FAM227B: variants seen among roughly 807,000 people sequenced by gnomAD.
The protein encoded by FAM227B is protein FAM227B.
In FAM227B, 88 loss-of-function variants were observed where a neutral mutation model predicts 73.8. The ratio of observed to expected loss-of-function variants is 1.19; its 90% confidence interval spans 1.00 to 1.42. The LOEUF is 1.42. FAM227B is among the 40% of genes most tolerant of loss of function. The pLI is 0.00. For missense variants in FAM227B, 632 were observed against 590.9 expected, an observed-to-expected ratio of 1.07 and a Z score of -0.72; for synonymous variants, 210 against 190.5, an observed-to-expected ratio of 1.10 and a Z score of -0.84.
intron 11 of FAM227B, among the ~76,000 whole-genome samples, chr15:49,456,641 C>CA (rs1178394341): frequency 6.6e-6 from 1 of 151,946 alleles, no homozygotes; most frequent in African/African-American, 2.4e-5. Flanking sequence ...ATAGTAACTA[C>CA]AAAATAAGGC....
intron 13 of FAM227B, among the ~76,000 whole-genome samples, chr15:49,359,340 C>T (rs1344285680): frequency 8.3e-6 from 1 of 120,034 alleles, no homozygotes; most frequent in African/African-American, 3.2e-5. Context: ...ACCTACTCAT[C>T]TGACAAAGGG....
chr15:49,612,707 A>G (rs1464045537), intron 2 of FAM227B, among the ~76,000 whole-genome samples: 3 of 152,210 alleles, frequency 2.0e-5, no homozygotes, highest in African/African-American at 7.2e-5. Flanking sequence ...AGATTGTACT[A>G]CATTTTTATT....
intron 11 of FAM227B, among the ~76,000 whole-genome samples, chr15:49,417,752 T>C (rs763922468): frequency 4.6e-5 from 7 of 152,110 alleles, no homozygotes; most frequent in Non-Finnish European, 8.8e-5. Flanking sequence ...ATTCTGGACA[T>C]AGGAACTAGC....
At chr15:49,379,968 C>T (rs1469689569) in intron 11 of FAM227B, among the ~76,000 whole-genome samples, 8 of 152,182 alleles carry the variant, frequency 5.3e-5, no homozygotes, top group Non-Finnish European at 7.3e-5. Flanking sequence ...TATTTCCTAC[C>T]CTTCAGGGTG....
chr15:49,540,300 C>A (rs1431414030), intron 10 of FAM227B, among the ~76,000 whole-genome samples: 2 of 152,146 alleles, frequency 1.3e-5, no homozygotes, highest in South Asian at 2.1e-4. Flanking sequence ...CAGAGTGGTA[C>A]CTGCCTCATG....
rs138604475 is a variant in FAM227B, at chr15:49,340,523, T to C, written c.1272-5027A>G. ...AAATGCAGAAGTCACCTGTCTTCTG[T>C]GTCAATCTTGCTGGAAGCTGCAGAC... is the stretch of plus-strand genomic sequence containing the variant. On this transcript the variant is annotated intron_variant, in intron 13 of 15. Coordinates refer to ENST00000299338, the MANE Select transcript of FAM227B (RefSeq NM_152647.3). Among the ~76,000 whole-genome samples the C allele has an allele frequency of 1.9e-3, 285 of 152,050 alleles. 1 individual carries two copies. Among genetic ancestry groups the C allele is most frequent in the African/African-American group, 6.4e-3 (264 of 41,464 alleles).
chr15:49,569,206 A>G (rs539111799), intron 8 of FAM227B, among the ~76,000 whole-genome samples: 5 of 151,992 alleles, frequency 3.3e-5, no homozygotes, highest in Admixed American at 6.6e-5. Flanking sequence ...ACCTCCATAA[A>G]ATTGAAAATA....
At chr15:49,448,510 AACTC>A (rs893389461) in intron 11 of FAM227B, among the ~76,000 whole-genome samples, 4 of 151,844 alleles carry the variant, frequency 2.6e-5, no homozygotes, top group Admixed American at 2.0e-4. Context: ...TGTTTTAAAA[AACTC>A]CTAACATAAG....
chr15:49,398,109 C>T (rs1402498130), intron 11 of FAM227B, among the ~76,000 whole-genome samples: 2 of 152,168 alleles, frequency 1.3e-5, no homozygotes, highest in Non-Finnish European at 1.5e-5. Context: ...ACCCATCTCA[C>T]ATGCAGAGAC....
At chr15:49,433,649 G>A (rs1368842838) in intron 11 of FAM227B, among the ~76,000 whole-genome samples, 2 of 151,516 alleles carry the variant, frequency 1.3e-5, no homozygotes, top group South Asian at 4.2e-4. Context: ...TCAAGGAACT[G>A]GTGGAAAATT....
At chr15:49,504,805 A>C (rs2152104707) in intron 11 of FAM227B, among the ~76,000 whole-genome samples, 1 of 152,274 alleles carries the variant, frequency 6.6e-6, no homozygotes, top group South Asian at 2.1e-4. Context: ...CTTTTTTCCT[A>C]AATTACCCAG....
intron 14 of FAM227B, among the ~76,000 whole-genome samples, chr15:49,333,563 T>C (rs1290550361): frequency 1.3e-5 from 2 of 152,204 alleles, no homozygotes; most frequent in East Asian, 1.9e-4. Context: ...AGCAGAAAGC[T>C]GGGTGATAAA....
chr15:49,443,629 A>C (rs537914878), intron 11 of FAM227B, among the ~76,000 whole-genome samples: 2 of 151,908 alleles, frequency 1.3e-5, no homozygotes, highest in Non-Finnish European at 2.9e-5. Flanking sequence ...AATTCAGCAA[A>C]GAAGTCACTC....
intron 4 of FAM227B, among the ~76,000 whole-genome samples, 160 bp downstream of exon 4, chr15:49,589,616 C>CA (rs1950731389): frequency 1.3e-5 from 2 of 149,042 alleles, no homozygotes; most frequent in Non-Finnish European, 1.5e-5. Context: ...TTTACTAACA[C>CA]AAAAAATAAG....
chr15:49,588,549 A>C (rs1411045157), intron 4 of FAM227B, among the ~76,000 whole-genome samples: 3 of 2,558 alleles, frequency 1.2e-3, no homozygotes, highest in Non-Finnish European at 6.7e-4. Context: ...ATTGAGGACT[A>C]TATATATATA....
intron 11 of FAM227B, among the ~76,000 whole-genome samples, chr15:49,493,144 A>G (rs1049024515): frequency 6.6e-6 from 1 of 151,846 alleles, no homozygotes; most frequent in Non-Finnish European, 1.5e-5. Flanking sequence ...AATTGTACCT[A>G]AAGTTTAGCA....
At chr15:49,591,935 T>C (rs778371748) in intron 3 of FAM227B, among the ~76,000 whole-genome samples, 19 of 152,350 alleles carry the variant, frequency 1.2e-4, no homozygotes, top group Middle Eastern at 3.4e-3. Context: ...CTTAGGTTGA[T>C]TCCATATCTT....
chr15:49,404,931 T>C (rs2048416570), intron 11 of FAM227B, among the ~76,000 whole-genome samples: 1 of 152,208 alleles, frequency 6.6e-6, no homozygotes, highest in South Asian at 2.1e-4. Flanking sequence ...TCAGGAGCTC[T>C]TGTAAGGCAG....
rs537563526 is a variant in FAM227B at position 49,515,831 on chromosome 15, T to G, written c.875-7483A>C. ...CAAAAACAGTATTTTTATACACTAC[T>G]TTCCCCTCTCTCAGAAATAAACTGC... On this transcript the variant is annotated intron_variant, in intron 10 of 15. Transcript: ENST00000299338. Among the ~76,000 whole-genome samples the G allele has an allele frequency of 3.3e-5, 5 of 152,298 alleles. No homozygotes were observed. The South Asian group carries it at 6.2e-4, about 19-fold the overall frequency.
Sources: gnomAD v4.1 joint callset for allele counts (sites outside exome capture counted in the v4.1 genomes callset) on GRCh38, gnomAD v4.1.1 for gene constraint, MANE v1.5 for transcripts, NCBI Gene and HGNC (gene_info 2026-07-23, HGNC 2026-07-21) for gene names.